MTUS2: variants seen among roughly 807,000 people sequenced by gnomAD.
MTUS2 encodes microtubule-associated tumor suppressor candidate 2.
Under a neutral mutation model 114.1 loss-of-function variants are expected in MTUS2, and 40 were observed. The observed-to-expected ratio is 0.35, with a 90% confidence interval of 0.27 to 0.46. The LOEUF (loss-of-function observed/expected upper bound fraction) is 0.46, where lower values mean the gene tolerates loss of function less well. MTUS2 is among the 20% of genes least tolerant of loss of function. The pLI is 1.00. For missense variants in MTUS2, 1,679 were observed against 1,705.4 expected (o/e 0.98, Z 0.27); for synonymous variants, 688 against 672.0 (o/e 1.02, Z -0.37).
chr13:29,361,901 G>A (rs187587279), intron 8 of MTUS2, among the ~76,000 whole-genome samples: 1 of 152,204 alleles, frequency 6.6e-6, no homozygotes, highest in Admixed American at 6.5e-5. Flanking sequence ...TATCTGCACA[G>A]CATGCTCTGG....
chr13:28,847,353 G>A (rs949911487), intron 2 of MTUS2, among the ~76,000 whole-genome samples: 1 of 152,010 alleles, frequency 6.6e-6, no homozygotes, highest in African/African-American at 2.4e-5. Context: ...CCAGATAGAG[G>A]GACACAGGGC....
At chr13:28,831,219 A>G (rs981961832) in intron 1 of MTUS2, among the ~76,000 whole-genome samples, 4 of 152,240 alleles carry the variant, frequency 2.6e-5, no homozygotes, top group African/African-American at 7.2e-5. Flanking sequence ...AGAGGGCAGT[A>G]GTGGAGGAAC....
intron 1 of MTUS2, among the ~76,000 whole-genome samples, chr13:28,821,318 A>G (rs777248068): frequency 1.2e-4 from 18 of 152,246 alleles, no homozygotes; most frequent in Admixed American, 2.6e-4. Flanking sequence ...GTATAATTGT[A>G]AAGCATTAAA....
intron 8 of MTUS2, among the ~76,000 whole-genome samples, chr13:29,416,708 T>C (rs1475404775): frequency 2.0e-5 from 3 of 152,182 alleles, no homozygotes; most frequent in African/African-American, 7.2e-5. Flanking sequence ...TGAAGATCTA[T>C]ATTTTCTTTC....
At chr13:28,948,720 G>A (rs148332609) in intron 2 of MTUS2, among the ~76,000 whole-genome samples, 193 of 152,262 alleles carry the variant, frequency 1.3e-3, no homozygotes, top group Non-Finnish European at 1.9e-3. Flanking sequence ...GGTAATGTTC[G>A]CATTGCTTGT....
chr13:29,066,220 GCTGT>G (rs1888659882), intron 4 of MTUS2, among the ~76,000 whole-genome samples: 1 of 152,310 alleles, frequency 6.6e-6, no homozygotes, highest in Non-Finnish European at 1.5e-5. Flanking sequence ...TCAGCCAGAT[GCTGT>G]CTAACACACC....
chr13:28,833,476 G>GAAAC (rs904760905), intron 1 of MTUS2, among the ~76,000 whole-genome samples: 1 of 151,772 alleles, frequency 6.6e-6, no homozygotes, highest in African/African-American at 2.4e-5. Flanking sequence ...CATCTTAATA[G>GAAAC]AAACAAACAA....
At chr13:29,218,987 T>A (rs1438806494) in intron 5 of MTUS2, among the ~76,000 whole-genome samples, 1 of 151,890 alleles carries the variant, frequency 6.6e-6, no homozygotes, top group Non-Finnish European at 1.5e-5. Context: ...TTTTTTTTAT[T>A]ATACTTTAAG....
intron 4 of MTUS2, among the ~76,000 whole-genome samples, chr13:29,036,213 G>A (rs1313048480): frequency 6.6e-6 from 1 of 151,642 alleles, no homozygotes; most frequent in Non-Finnish European, 1.5e-5. Context: ...GGCACTGTGA[G>A]TACCTTCCCA....
At position 29,319,935 on chromosome 13, in the gene MTUS2, T is replaced by G. The variant is rs544451095; in HGVS notation, c.2807-4678T>G. Reference sequence around the variant, plus strand: ...AGAGACCAAGCAGTTAGTGAGTTTTTGGTGAGTAAAAAGAGTTTCGTCATT... The same window carrying G: ...AGAGACCAAGCAGTTAGTGAGTTTTGGGTGAGTAAAAAGAGTTTCGTCATT... On this transcript the variant is annotated intron_variant, in intron 6 of 15. Coordinates refer to ENST00000612955, the MANE Select transcript of MTUS2 (RefSeq NM_001033602.4). Among the ~76,000 whole-genome samples the G allele has an allele frequency of 5.3e-5, 8 of 152,310 alleles. No individual in the cohort carries two copies. In the East Asian group the frequency reaches 1.5e-3, roughly 29 times the overall value.
chr13:28,883,273 AC>A (rs1878397558), intron 2 of MTUS2, among the ~76,000 whole-genome samples: 1 of 152,254 alleles, frequency 6.6e-6, no homozygotes, highest in Non-Finnish European at 1.5e-5. Flanking sequence ...TGTACTAACT[AC>A]ACAACTCGGC....
intron 2 of MTUS2, among the ~76,000 whole-genome samples, chr13:28,929,508 A>G (rs1340953522): frequency 1.3e-5 from 2 of 152,274 alleles, no homozygotes; most frequent in East Asian, 3.9e-4. Context: ...CTGAAACTTG[A>G]TATTTGAGCT....
At chr13:28,952,197 A>G (rs929382876) in intron 2 of MTUS2, among the ~76,000 whole-genome samples, 1 of 152,246 alleles carries the variant, frequency 6.6e-6, no homozygotes, top group East Asian at 1.9e-4. Flanking sequence ...TGGTACAAAG[A>G]TACGTAGGTA....
chr13:29,476,330 T>G (rs112497796), intron 9 of MTUS2, among the ~76,000 whole-genome samples: 61 of 150,430 alleles, frequency 4.1e-4, no homozygotes, highest in African/African-American at 1.5e-3. Flanking sequence ...TATATGTATG[T>G]GTGTTTGTAT....
chr13:29,119,549 AAATT>A (rs1364738353), intron 5 of MTUS2, among the ~76,000 whole-genome samples: 10 of 152,208 alleles, frequency 6.6e-5, no homozygotes, highest in Non-Finnish European at 4.4e-5. Flanking sequence ...TGATATATAT[AAATT>A]ATCTGATTAT....
chr13:29,350,239 A>G (rs1869110494), intron 7 of MTUS2, among the ~76,000 whole-genome samples: 1 of 151,888 alleles, frequency 6.6e-6, no homozygotes, highest in African/African-American at 2.4e-5. Flanking sequence ...GCTAATATGA[A>G]GAAATCAGCT....
chr13:29,107,694 CTTAA>C (rs1473629944), intron 5 of MTUS2, among the ~76,000 whole-genome samples: 2 of 152,086 alleles, frequency 1.3e-5, no homozygotes, highest in Admixed American at 6.5e-5. Flanking sequence ...CTTGGATATA[CTTAA>C]TTGTTTTTAA....
chr13:28,970,457 G>A (rs758266214), intron 2 of MTUS2, among the ~76,000 whole-genome samples: 3 of 152,190 alleles, frequency 2.0e-5, no homozygotes, highest in Non-Finnish European at 2.9e-5. Context: ...GTTCATTCAT[G>A]CGTTGTCTCT....
intron 5 of MTUS2, among the ~76,000 whole-genome samples, chr13:29,104,643 A>C (rs77625770): frequency 2.6e-5 from 4 of 152,176 alleles, no homozygotes; most frequent in Admixed American, 2.0e-4. Flanking sequence ...CAGCACCTGC[A>C]TGTGTATCGT....
Sources: allele counts gnomAD v4.1 joint callset (sites outside exome capture counted in the v4.1 genomes callset), GRCh38; gene constraint gnomAD v4.1.1; transcripts MANE v1.5; gene names NCBI Gene and HGNC (gene_info 2026-07-23, HGNC 2026-07-21).